Variants in PTBP3 observed in about 807,000 individuals in gnomAD.
The protein encoded by PTBP3 is polypyrimidine tract binding protein 3, also known as polypyrimidine tract-binding protein 3.
PTBP3 carries 20 observed loss-of-function variants against 58.7 expected under a neutral mutation model. That is an observed-to-expected ratio of 0.34 (90% CI 0.24 to 0.50). PTBP3 has a LOEUF of 0.50. Among genes scored for constraint, PTBP3 ranks in the 20% least tolerant of loss-of-function variants. The pLI, the probability that PTBP3 is intolerant of heterozygous loss-of-function variation, is 0.98. For missense variants in PTBP3, 509 were observed against 637.2 expected, an observed-to-expected ratio of 0.80 and a Z score of 2.17; for synonymous variants, 185 against 219.8, an observed-to-expected ratio of 0.84 and a Z score of 1.40.
At chr9:112,250,477 T>A (rs889094146) in intron 7 of PTBP3, among the ~76,000 whole-genome samples, 3 of 138,066 alleles carry the variant, frequency 2.2e-5, no homozygotes, top group Non-Finnish European at 4.9e-5. Context: ...GTTCTGAAGT[T>A]TAGGAAACAA....
In PTBP3 at chr9:112,238,480, G is replaced by A. The variant is rs181238007; in HGVS notation, c.803-3583C>T. The stretch of plus-strand genomic sequence containing the variant: ...CATGTCTAATCAAAGCTCCAGAAAG[G>A]CAGGAGAGAAATAGTGTTAAGGGGG... On this transcript the variant is annotated intron_variant, in intron 7 of 13. Coordinates refer to ENST00000374257, the MANE Select transcript of PTBP3 (RefSeq NM_001163788.4). Among the ~76,000 whole-genome samples, 57 of 152,274 alleles carry A rather than the reference G, an allele frequency of 3.7e-4. 1 individual carries two copies. Among genetic ancestry groups the A allele is most frequent in the African/African-American group, 1.2e-3 (50 of 41,562 alleles).
chr9:112,231,967 G>GAGAAGAGA lies in PTBP3; in HGVS notation c.1020+131_1020+132insTCTCTTCT, dbSNP rs1554788026. 74 of 185,342 alleles carry GAGAAGAGA rather than the reference G, an allele frequency of 4.0e-4. No individual in the cohort carries two copies. In the East Asian group the frequency reaches 5.5e-3, roughly 14 times the overall value. 11.5% of individuals were successfully genotyped at this position (185,342 alleles called of 1,614,324 possible). ...GAGAAGAGAAGAGAAGAGAAGAGAA[G>GAGAAGAGA]AGAGAAGAGAAGAGAAGAGAAGAGA... On this transcript the variant is annotated intron_variant, in intron 9 of 13. Coordinates refer to ENST00000374257, the MANE Select transcript of PTBP3 (RefSeq NM_001163788.4).
chr9:112,295,190 G>T (rs1168211839), intron 2 of PTBP3, among the ~76,000 whole-genome samples: 2 of 149,570 alleles, frequency 1.3e-5, no homozygotes, highest in Non-Finnish European at 3.0e-5. Context: ...AGTAAGCAGA[G>T]ACTGCGCCAC....
At chr9:112,293,550 A>C (rs893723633) in intron 2 of PTBP3, among the ~76,000 whole-genome samples, 1 of 152,216 alleles carries the variant, frequency 6.6e-6, no homozygotes, top group African/African-American at 2.4e-5. Flanking sequence ...CACCAGAATA[A>C]AGACCAATTT....
At chr9:112,343,438 C>T in the PTBP3 span, among the ~76,000 whole-genome samples, 1 of 152,128 alleles carries the variant, frequency 6.6e-6, no homozygotes, top group Non-Finnish European at 1.5e-5. Flanking sequence ...AGCGTTAGCT[C>T]ATATCCTCAA....
the PTBP3 span, among the ~76,000 whole-genome samples, chr9:112,374,756 G>C: frequency 6.6e-6 from 1 of 152,228 alleles, no homozygotes; most frequent in Non-Finnish European, 1.5e-5. Flanking sequence ...GTGAGTCCAT[G>C]GATGGTAGTC....
intron 2 of PTBP3, among the ~76,000 whole-genome samples, chr9:112,290,697 TATATATATATACACACACAC>T (rs1828367666): frequency 1.6e-5 from 1 of 62,056 alleles, no homozygotes. Context: ...AATATATATA[TATATATATATACACACACAC>T]ACACACACAC....
intron 7 of PTBP3, among the ~76,000 whole-genome samples, chr9:112,239,274 G>A (rs1835549560): frequency 6.6e-6 from 1 of 152,144 alleles, no homozygotes; most frequent in Non-Finnish European, 1.5e-5. Context: ...AATATTGTTT[G>A]CATGGTTATT....
chr9:112,296,127 G>T (rs558774316), intron 2 of PTBP3, among the ~76,000 whole-genome samples: 1 of 152,270 alleles, frequency 6.6e-6, no homozygotes, highest in Admixed American at 6.5e-5. Context: ...TAAAAGATTG[G>T]ACGCCCCTGA....
At chr9:112,373,303 C>G in the PTBP3 span, among the ~76,000 whole-genome samples, 94 of 152,288 alleles carry the variant, frequency 6.2e-4, no homozygotes, top group African/African-American at 2.1e-3. Flanking sequence ...ACTGAAAAAC[C>G]TGGAGTCTGA....
Position 112,237,692 on chromosome 9 carries a change from T to C in PTBP3, c.803-2795A>G, listed in dbSNP as rs888156364. ...GCTTTGGTTTGATCAGCTCATGGGG[T>C]AGCAGGCCAGAAGCAAATCCCAGGG... On this transcript the variant is annotated intron_variant, in intron 7 of 13. Coordinates refer to ENST00000374257, the MANE Select transcript of PTBP3 (RefSeq NM_001163788.4). Among the ~76,000 whole-genome samples the C allele has an allele frequency of 2.0e-5, 3 of 152,116 alleles. No homozygotes were observed. In the East Asian group the frequency reaches 5.8e-4, roughly 29 times the overall value.
chr9:112,327,578 G>A (rs1042083402), intron 1 of PTBP3, among the ~76,000 whole-genome samples: 1 of 151,852 alleles, frequency 6.6e-6, no homozygotes, highest in Admixed American at 6.6e-5. Flanking sequence ...AGTACATGAA[G>A]AAATAGAACA....
the PTBP3 span, among the ~76,000 whole-genome samples, chr9:112,374,453 C>T: frequency 1.3e-5 from 2 of 152,162 alleles, no homozygotes; most frequent in Non-Finnish European, 2.9e-5. Context: ...TGAATCCTGG[C>T]TATGGGAGAA....
chr9:112,337,716 C>T (rs1830588584), upstream of PTBP3, among the ~76,000 whole-genome samples: 1 of 152,130 alleles, frequency 6.6e-6, no homozygotes, highest in South Asian at 2.1e-4. Flanking sequence ...TAAGAAATTC[C>T]CCTGACACAC....
intron 5 of PTBP3, among the ~76,000 whole-genome samples, chr9:112,260,146 T>C (rs1260535152): frequency 2.6e-5 from 4 of 152,150 alleles, no homozygotes; most frequent in Non-Finnish European, 5.9e-5. Context: ...TGACCTCAAG[T>C]CATCCACCCG....
intron 3 of PTBP3, among the ~76,000 whole-genome samples, chr9:112,271,125 CT>C (rs1282425905): frequency 6.6e-6 from 1 of 152,142 alleles, no homozygotes; most frequent in Admixed American, 6.5e-5. Context: ...CCATGCTCAG[CT>C]TTAGGTTCCT....
intron 1 of PTBP3, among the ~76,000 whole-genome samples, chr9:112,326,256 A>G (rs1410531088): frequency 6.6e-6 from 1 of 152,232 alleles, no homozygotes; most frequent in Non-Finnish European, 1.5e-5. Flanking sequence ...GGATTGCAGC[A>G]AATGCCTTCT....
Position 112,275,885 on chromosome 9 carries a change from C to T in PTBP3, c.163G>A (p.Gly55Ser), listed in dbSNP as rs573441168. The T allele has an allele frequency of 6.2e-7, 1 of 1,613,492 alleles. No individual in the cohort carries two copies. The highest frequency in any genetic ancestry group is 1.1e-5 in the South Asian group (1 of 90,988). Residue 55 changes from glycine (G) to serine (S), a missense_variant, in exon 3 of 14, where the codon GGC (glycine) becomes AGC (serine). Gly to Ser is a moderately conservative substitution (Grantham distance 56). Transcript: ENST00000374257. ...AACATCAAAAGATTAGTTACTTTGC[C>T]AAATGGTAGACCTAATGATATGATC... ...AEIISLGLPF[G>S]KVTNLLMLKG...
At chr9:112,240,214 G>C (rs977953906) in intron 7 of PTBP3, among the ~76,000 whole-genome samples, 8 of 152,156 alleles carry the variant, frequency 5.3e-5, no homozygotes, top group Admixed American at 1.3e-4. Flanking sequence ...GTCAGCATTA[G>C]AGTAAAATGA....
Sources: gnomAD v4.1 joint callset for allele counts (sites outside exome capture counted in the v4.1 genomes callset) on GRCh38, gnomAD v4.1.1 for gene constraint, MANE v1.5 for transcripts, NCBI Gene and HGNC (gene_info 2026-07-23, HGNC 2026-07-21) for gene names.